VCF1: variants seen among roughly 807,000 people sequenced by gnomAD.
VCF1 encodes the protein VCP nuclear cofactor family member 1.
the VCF1 span, chr17:73,232,233 G>T: frequency 6.2e-7 from 1 of 1,611,584 alleles, no homozygotes; most frequent in Non-Finnish European, 8.5e-7. Flanking sequence ...TCGGGTGGAC[G>T]CAGCCGGTGG....
chr17:73,214,145 G>C, the VCF1 span, among the ~76,000 whole-genome samples: 1 of 152,126 alleles, frequency 6.6e-6, no homozygotes, highest in South Asian at 2.1e-4. Context: ...GCATTGAGCA[G>C]ACCAATGATA....
At chr17:73,207,914 A>T in the VCF1 span, 3,150 of 1,187,036 alleles carry the variant, frequency 2.7e-3, 57 homozygotes, top group African/African-American at 0.043. Flanking sequence ...TCTGGCTTTA[A>T]AAGTTGGGAG....
the VCF1 span, chr17:73,208,475 C>G: frequency 6.8e-6 from 11 of 1,611,966 alleles, no homozygotes; most frequent in Non-Finnish European, 8.5e-6. Context: ...CTGTCTCTCC[C>G]TAAATAAATA....
the VCF1 span, among the ~76,000 whole-genome samples, chr17:73,211,774 C>T: frequency 1.3e-5 from 2 of 152,084 alleles, no homozygotes; most frequent in Non-Finnish European, 2.9e-5. Context: ...GCAAGAGAAT[C>T]GCTTGAACCC....
At chr17:73,212,743 G>GA in the VCF1 span, 1 of 1,580,774 alleles carries the variant, frequency 6.3e-7, no homozygotes, top group Non-Finnish European at 8.6e-7. Flanking sequence ...GGTACTGTCT[G>GA]AAAATCAAGG....
At chr17:73,210,757 ATT>A in the VCF1 span, among the ~76,000 whole-genome samples, 1,698 of 135,074 alleles carry the variant, frequency 0.013, 56 homozygotes, top group African/African-American at 0.04. Context: ...ATGCCTCGTT[ATT>A]TTTTTTTTTT....
the VCF1 span, among the ~76,000 whole-genome samples, chr17:73,222,197 C>CAAAAA: frequency 8.5e-4 from 107 of 126,038 alleles, 1 homozygote; most frequent in African/African-American, 3.2e-3. Flanking sequence ...GACCCTGTCT[C>CAAAAA]AAAAAAAAAA....
chr17:73,208,296 C>G, the VCF1 span: 1 of 1,612,790 alleles, frequency 6.2e-7, no homozygotes. Flanking sequence ...AGGCACTTTT[C>G]TCTACATCCA....
the VCF1 span, among the ~76,000 whole-genome samples, chr17:73,231,024 A>G: frequency 2.6e-5 from 4 of 152,274 alleles, no homozygotes; most frequent in East Asian, 3.9e-4. Context: ...CTTGCTCCTA[A>G]TTCCGATGGC....
chr17:73,224,843 A>C, the VCF1 span, among the ~76,000 whole-genome samples: 1 of 151,610 alleles, frequency 6.6e-6, no homozygotes, highest in Non-Finnish European at 1.5e-5. Context: ...AGCACAGCAC[A>C]GGACAGGACA....
chr17:73,224,885 C>CAGG, the VCF1 span, among the ~76,000 whole-genome samples: 1 of 125,194 alleles, frequency 8.0e-6, no homozygotes, highest in Non-Finnish European at 1.6e-5. Context: ...GACAGCACAG[C>CAGG]ACAGGACAGG....
the VCF1 span, among the ~76,000 whole-genome samples, chr17:73,211,913 C>T: frequency 6.6e-6 from 1 of 152,086 alleles, no homozygotes; most frequent in Non-Finnish European, 1.5e-5. Flanking sequence ...CGCCTATAGT[C>T]CCAGCTACTC....
At chr17:73,224,155 G>A in the VCF1 span, among the ~76,000 whole-genome samples, 1 of 149,670 alleles carries the variant, frequency 6.7e-6, no homozygotes, top group African/African-American at 2.5e-5. Flanking sequence ...GCCAGGCATG[G>A]TGGCTCAAGT....
chr17:73,212,059 G>A, the VCF1 span, among the ~76,000 whole-genome samples: 2 of 151,872 alleles, frequency 1.3e-5, no homozygotes, highest in Non-Finnish European at 2.9e-5. Flanking sequence ...AAGAAAGAAC[G>A]AAATCACAGT....
chr17:73,227,629 G>C, the VCF1 span: 1 of 988,544 alleles, frequency 1.0e-6, no homozygotes. Flanking sequence ...TTAGGATTCC[G>C]AGTTACCTAA....
chr17:73,222,798 AAAAG>A, the VCF1 span, among the ~76,000 whole-genome samples: 1 of 151,830 alleles, frequency 6.6e-6, no homozygotes, highest in African/African-American at 2.4e-5. Flanking sequence ...AAAAGAAAAA[AAAAG>A]AGAAGACTAG....
chr17:73,225,907 T>A, the VCF1 span, among the ~76,000 whole-genome samples: 1,115 of 112,358 alleles, frequency 9.9e-3, 6 homozygotes, highest in Non-Finnish European at 0.012. Context: ...ATATTTTTTT[T>A]TTTTTTTTTT....
the VCF1 span, among the ~76,000 whole-genome samples, chr17:73,211,975 G>A: frequency 1.3e-5 from 2 of 152,176 alleles, no homozygotes; most frequent in African/African-American, 2.4e-5. Flanking sequence ...AGGTGGCAGT[G>A]AGCCAAGATT....
At chr17:73,217,356 TAA>T in the VCF1 span, among the ~76,000 whole-genome samples, 24 of 120,692 alleles carry the variant, frequency 2.0e-4, no homozygotes, top group Admixed American at 2.5e-4. Flanking sequence ...GTATCTCAAT[TAA>T]AAAAAAAAAA....
Sources: gnomAD v4.1 joint callset for allele counts (sites outside exome capture counted in the v4.1 genomes callset) on GRCh38, gnomAD v4.1.1 for gene constraint, MANE v1.5 for transcripts, NCBI Gene and HGNC (gene_info 2026-07-23, HGNC 2026-07-21) for gene names.